Variants in ZNF565 observed in about 807,000 individuals in gnomAD.
ZNF565 encodes the protein zinc finger protein 565.
A neutral mutation model predicts 39.4 loss-of-function variants in ZNF565; 27 were observed. The observed-to-expected ratio is 0.69, with a 90% CI of 0.51 to 0.95. ZNF565 has a LOEUF of 0.95. ZNF565 is among the 40% of genes least tolerant of loss of function. The pLI, the probability that ZNF565 is intolerant of heterozygous loss-of-function variation, is 0.00. For synonymous variants in ZNF565, 185 were observed against 216.6 expected, an observed-to-expected ratio of 0.85 and a Z score of 1.28; for missense variants, 524 against 621.1, an observed-to-expected ratio of 0.84 and a Z score of 1.66.
At chr19:36,188,721 A>AC (rs755802648) in intron 4 of ZNF565, among the ~76,000 whole-genome samples, 1 of 151,916 alleles carries the variant, frequency 6.6e-6, no homozygotes, top group African/African-American at 2.4e-5. Context: ...CAAAAAAAAA[A>AC]AAAAACAAAA....
intron 1 of ZNF565, among the ~76,000 whole-genome samples, chr19:36,220,784 A>G (rs1220914163): frequency 6.6e-6 from 1 of 152,218 alleles, no homozygotes; most frequent in Non-Finnish European, 1.5e-5. Flanking sequence ...AGTAGTAACC[A>G]TAAACATACT....
intron 1 of ZNF565, among the ~76,000 whole-genome samples, chr19:36,202,984 C>T (rs958434597): frequency 4.6e-5 from 7 of 152,142 alleles, no homozygotes; most frequent in Non-Finnish European, 1.0e-4. Context: ...CTAGAAGTCT[C>T]TTGGCCCAGC....
chr19:36,237,349 A>G (rs545019888), intron 1 of ZNF565: 60 of 1,554,402 alleles, frequency 3.9e-5, no homozygotes, highest in Admixed American at 1.6e-4. Context: ...AAAGTGGGAA[A>G]GCTTTCATTA....
At chr19:36,244,828 C>T (rs932930386) in intron 1 of ZNF565, among the ~76,000 whole-genome samples, 5 of 133,702 alleles carry the variant, frequency 3.7e-5, no homozygotes, top group African/African-American at 8.5e-5. Flanking sequence ...TCCAGCCTGG[C>T]GACAGAGCAA....
chr19:36,211,087 T>C (rs190997263), intron 1 of ZNF565, among the ~76,000 whole-genome samples: 11 of 151,380 alleles, frequency 7.3e-5, no homozygotes, highest in East Asian at 5.8e-4. Context: ...TCTATACTTA[T>C]AGAAATAATT....
intron 4 of ZNF565, among the ~76,000 whole-genome samples, chr19:36,192,918 G>A (rs1975614857): frequency 6.6e-6 from 1 of 151,812 alleles, no homozygotes; most frequent in Non-Finnish European, 1.5e-5. Flanking sequence ...ATGGGTTCAA[G>A]AGATTCTCCT....
Position 36,183,433 on chromosome 19 carries a change from C to T in ZNF565, c.533G>A (p.Arg178His), listed in dbSNP as rs776720145. ...ECHECGKAFS[R>H]GSHLIQHQKI... ...CTGATGTTGAATAAGGTGTGAGCCA[C>T]GGCTAAATGCTTTCCCACATTCATG... Residue 178 changes from arginine (R) to histidine (H), a missense_variant, in exon 5 of 5, where the codon CGT (arginine) becomes CAT (histidine). Physicochemically the swap from Arg to His is conservative, Grantham distance 29. Transcript: ENST00000304116. 7 of 1,612,112 alleles carry T rather than the reference C, an allele frequency of 4.3e-6. No individual in the cohort carries two copies. The highest frequency in any genetic ancestry group is 3.3e-5 in the Admixed American group (2 of 59,968).
chr19:36,219,366 T>A (rs975887299), upstream of ZNF565, among the ~76,000 whole-genome samples: 1 of 152,172 alleles, frequency 6.6e-6, no homozygotes, highest in Admixed American at 6.5e-5. Flanking sequence ...AGTCTTACTA[T>A]GTTGCCCAGG....
chr19:36,202,540 C>T (rs893527745), intron 1 of ZNF565, among the ~76,000 whole-genome samples: 2 of 152,126 alleles, frequency 1.3e-5, no homozygotes, highest in African/African-American at 2.4e-5. Flanking sequence ...GGAGGGATTA[C>T]AGCTGACACA....
intron 4 of ZNF565, among the ~76,000 whole-genome samples, chr19:36,186,246 G>T (rs112888282): frequency 6.6e-6 from 1 of 152,090 alleles, no homozygotes; most frequent in East Asian, 1.9e-4. Context: ...TGATCCAGCC[G>T]CCTTGGCTTC....
intron 1 of ZNF565, among the ~76,000 whole-genome samples, chr19:36,234,644 A>G (rs1252626388): frequency 1.3e-5 from 2 of 152,116 alleles, no homozygotes; most frequent in African/African-American, 2.4e-5. Context: ...TGATCCGCCC[A>G]CCTCGGCCTC....
chr19:36,186,613 C>A (rs990561586), intron 4 of ZNF565, among the ~76,000 whole-genome samples: 1 of 151,860 alleles, frequency 6.6e-6, no homozygotes, highest in Admixed American at 6.6e-5. Flanking sequence ...CATGGTGCAA[C>A]CCCATCTCTA....
At chr19:36,228,457 A>T (rs892023020) in intron 1 of ZNF565, 1 of 152,238 alleles carries the variant, frequency 6.6e-6, no homozygotes, top group Non-Finnish European at 1.5e-5. Flanking sequence ...TGTAAGTAAA[A>T]TTCTGAAAGG....
At chr19:36,220,436 C>G (rs1223578715) in intron 1 of ZNF565, among the ~76,000 whole-genome samples, 2 of 151,958 alleles carry the variant, frequency 1.3e-5, no homozygotes, top group Non-Finnish European at 2.9e-5. Flanking sequence ...ACGATCTCAG[C>G]TCACTGCAAT....
At chr19:36,191,116 T>G (rs1975524130) in intron 4 of ZNF565, among the ~76,000 whole-genome samples, 1 of 151,344 alleles carries the variant, frequency 6.6e-6, no homozygotes, top group African/African-American at 2.4e-5. Context: ...TTTTAACACT[T>G]TCAAAATATC....
intron 3 of ZNF565, 145 bp from the exon 4 acceptor site, chr19:36,194,473 C>G: frequency 1.7e-6 from 1 of 572,884 alleles, no homozygotes; most frequent in Non-Finnish European, 3.0e-6. Context: ...AGCAGAATGA[C>G]TTGTTTCTAG....
At chr19:36,217,055 CTTTTTTTTTTT>C (rs752632008), upstream of ZNF565, among the ~76,000 whole-genome samples, 7 of 65,878 alleles carry the variant, frequency 1.1e-4, no homozygotes, top group African/African-American at 4.5e-4. Context: ...CAGTCCCTGT[CTTTTTTTTTTT>C]TTTTTTTTTT....
In ZNF565 at chr19:36,187,901, G is replaced by A. The variant is rs574591792; in HGVS notation, c.233-4168C>T. Among the ~76,000 whole-genome samples the A allele has an allele frequency of 5.1e-3, 778 of 151,656 alleles. 8 individuals carry two copies. The highest frequency in any genetic ancestry group is 0.017 in the African/African-American group (724 of 41,412). ...GATCTGCCCACCTCGGCCTCCCAAA[G>A]TGCTGGGATTACAGGCGTGAGCCAC... is the stretch of plus-strand genomic sequence containing the variant. On this transcript the variant is annotated intron_variant, in intron 4 of 4. Coordinates refer to ENST00000304116, the MANE Select transcript of ZNF565 (RefSeq NM_152477.5).
Position 36,245,165 on chromosome 19 carries a change from G to T in ZNF565, c.55+311C>A, listed in dbSNP as rs1399200147. Among the ~76,000 whole-genome samples the T allele has an allele frequency of 6.6e-6, 1 of 152,208 alleles. No individual in the cohort carries two copies. Among genetic ancestry groups the T allele is most frequent in the Non-Finnish European group, 1.5e-5 (1 of 68,024 alleles). On this transcript the variant is annotated intron_variant, in intron 1 of 4. Transcript: ENST00000355114. This position sits in a 1 kb window ranked among gnomAD's most constrained non-coding sequence, Gnocchi z 4.4. ...GCGAGAGCCATGGATTCGCATTTGC[G>T]CAGAGTCGGGGTCTGTTGCTACGGG...
Sources: allele counts gnomAD v4.1 joint callset (sites outside exome capture counted in the v4.1 genomes callset), GRCh38; gene constraint gnomAD v4.1.1; non-coding constraint Gnocchi (gnomAD v3.1); transcripts MANE v1.5; gene names NCBI Gene and HGNC (gene_info 2026-07-23, HGNC 2026-07-21).